The following SDK1 variants were observed in gnomAD, a reference collection of about 807,000 sequenced individuals.
SDK1 encodes the protein protein sidekick-1.
Under a neutral mutation model 245.5 loss-of-function variants are expected in SDK1, and 157 were observed. The ratio of observed to expected loss-of-function variants is 0.64; its 90% CI spans 0.56 to 0.73. The LOEUF (loss-of-function observed/expected upper bound fraction) is 0.73. Among genes scored for constraint, SDK1 ranks in the 30% least tolerant of loss-of-function variants. The pLI, the probability that SDK1 is intolerant of heterozygous loss-of-function variation, is 0.00. For synonymous variants in SDK1, 1,647 were observed against 1,278.5 expected (o/e 1.29, Z -6.15); for missense variants, 3,583 against 3,002.3 (o/e 1.19, Z -4.52).
chr7:3,476,581 T>C (rs996683580), intron 1 of SDK1, among the ~76,000 whole-genome samples: 6 of 152,218 alleles, frequency 3.9e-5, no homozygotes, highest in Admixed American at 6.5e-5. Flanking sequence ...AGAATACATA[T>C]GTGTTTTCTA....
At chr7:4,147,489 A>G (rs1780057198) in intron 29 of SDK1, among the ~76,000 whole-genome samples, 1 of 152,168 alleles carries the variant, frequency 6.6e-6, no homozygotes, top group South Asian at 2.1e-4. Context: ...GCTGGTCTCC[A>G]GCTCCTGGGC....
chr7:3,604,930 T>C (rs1781373950), intron 1 of SDK1, among the ~76,000 whole-genome samples: 1 of 152,146 alleles, frequency 6.6e-6, no homozygotes, highest in Admixed American at 6.5e-5. Flanking sequence ...ACTTGTTTAT[T>C]TTTAAAAATT....
chr7:3,633,932 C>T (rs1365946610), intron 2 of SDK1, among the ~76,000 whole-genome samples: 1 of 152,074 alleles, frequency 6.6e-6, no homozygotes, highest in Admixed American at 6.6e-5. Flanking sequence ...AGCCACTGCC[C>T]TAGTTGGCAC....
intron 1 of SDK1, among the ~76,000 whole-genome samples, chr7:3,550,775 T>G (rs1325595470): frequency 2.6e-5 from 4 of 152,242 alleles, no homozygotes; most frequent in African/African-American, 9.6e-5. Context: ...ATGAAAAGAT[T>G]TCTTTTAAGA....
chr7:3,319,398 G>C (rs886594724), intron 1 of SDK1, among the ~76,000 whole-genome samples: 2 of 152,134 alleles, frequency 1.3e-5, no homozygotes, highest in Admixed American at 6.5e-5. Context: ...TGGGGGCTTA[G>C]ACCGGTGGCC....
At chr7:4,107,833 C>T (rs542373912) in intron 22 of SDK1, among the ~76,000 whole-genome samples, 2 of 152,280 alleles carry the variant, frequency 1.3e-5, no homozygotes, top group East Asian at 1.9e-4. Context: ...TGCTGTGGTG[C>T]GTGTTCTCCA....
In SDK1 at chr7:4,113,422, C is replaced by G. The variant is rs1228693030; in HGVS notation, c.3568C>G (p.Leu1190Val). The G allele has an allele frequency of 1.2e-6, 2 of 1,613,778 alleles. No individual in the cohort carries two copies. Among genetic ancestry groups the G allele is most frequent in the African/African-American group, 1.3e-5 (1 of 74,946 alleles). ...GGTCCGTACTGCCAGTGAGACCAGC[C>G]TGCGGCTTCGCTGGGTGGTGAGTGG... is the stretch of plus-strand genomic sequence containing the variant. Reference protein sequence around the residue: ...VTVRTASETSLRLRWVPLPDS... With the variant: ...VTVRTASETSVRLRWVPLPDS... The change falls in exon 24 of 45, where the codon CTG becomes GTG. Residue 1190 changes from leucine to valine, a missense_variant. Coordinates refer to ENST00000404826, the MANE Select transcript of SDK1 (RefSeq NM_152744.4).
At position 4,265,900 on chromosome 7, in the gene SDK1, GT is replaced by G. The variant is rs1788438700; in HGVS notation, c.*517del. On this transcript the variant is annotated 3_prime_UTR_variant, in exon 45 of 45. Transcript: ENST00000404826. ...GAGCAAACGTTTTTCCCTGGGCTCAGTGCGTTTTGTCCCAACTTCATCTGTT... is the reference window on the plus strand; with the variant it reads ...GAGCAAACGTTTTTCCCTGGGCTCAGGCGTTTTGTCCCAACTTCATCTGTT... The G allele has an allele frequency of 1.0e-6, 1 of 986,444 alleles. No individual in the cohort carries two copies. The allele number at this position is 986,444 out of a possible 1,614,324, so 61.1% of individuals were successfully genotyped here. A position where few individuals can be genotyped will look rare whatever the true frequency, so the allele number is the denominator to read the frequency against.
chr7:4,020,544 A>G (rs1162816690), intron 17 of SDK1, among the ~76,000 whole-genome samples: 1 of 152,158 alleles, frequency 6.6e-6, no homozygotes, highest in Admixed American at 6.5e-5. Context: ...CTGGCTCTGG[A>G]GGGGAAGATG....
intron 5 of SDK1, among the ~76,000 whole-genome samples, chr7:3,920,691 G>C (rs1401825898): frequency 2.0e-5 from 3 of 152,154 alleles, no homozygotes; most frequent in African/African-American, 7.2e-5. Context: ...GGGAGTGACT[G>C]TTTTAGGATT....
intron 25 of SDK1, among the ~76,000 whole-genome samples, chr7:4,124,709 G>A (rs1784268514): frequency 6.6e-6 from 1 of 152,180 alleles, no homozygotes; most frequent in Non-Finnish European, 1.5e-5. Context: ...AATGTCATAG[G>A]TTGCATTATT....
chr7:3,963,646 A>T (rs1583653474), intron 9 of SDK1, among the ~76,000 whole-genome samples: 2 of 87,646 alleles, frequency 2.3e-5, no homozygotes, highest in Admixed American at 1.9e-4. Flanking sequence ...GTATCCAGTG[A>T]GTACATTCAG....
chr7:4,057,307 C>T (rs1046955584), intron 19 of SDK1, among the ~76,000 whole-genome samples: 4 of 152,144 alleles, frequency 2.6e-5, no homozygotes, highest in African/African-American at 9.7e-5. Context: ...CTGGGCTCAC[C>T]CTGCCCTGTC....
chr7:3,669,898 C>G (rs1783644347), intron 4 of SDK1, among the ~76,000 whole-genome samples: 2 of 152,210 alleles, frequency 1.3e-5, no homozygotes, highest in Non-Finnish European at 2.9e-5. Flanking sequence ...TGCCTTACTC[C>G]TGGCTCTCCT....
intron 1 of SDK1, among the ~76,000 whole-genome samples, chr7:3,502,291 C>T (rs1782241645): frequency 6.6e-6 from 1 of 151,966 alleles, no homozygotes; most frequent in Non-Finnish European, 1.5e-5. Flanking sequence ...CTCTTGGCCA[C>T]CAGGCTGGAG....
intron 4 of SDK1, among the ~76,000 whole-genome samples, chr7:3,768,700 C>T (rs1395707801): frequency 1.3e-5 from 2 of 152,184 alleles, no homozygotes; most frequent in South Asian, 2.1e-4. Flanking sequence ...TGGCACAGAG[C>T]TGTAGGTACA....
intron 12 of SDK1, among the ~76,000 whole-genome samples, chr7:3,973,156 G>T (rs982960484): frequency 6.6e-6 from 1 of 152,192 alleles, no homozygotes. Context: ...GGGTTGCTCT[G>T]CCCTGAGGAG....
chr7:4,028,425 G>A (rs1385054280), intron 17 of SDK1, among the ~76,000 whole-genome samples: 1 of 152,218 alleles, frequency 6.6e-6, no homozygotes, highest in South Asian at 2.1e-4. Context: ...ATCACCACGT[G>A]TGCAGGCAAA....
At chr7:3,348,428 G>A (rs944285584) in intron 1 of SDK1, among the ~76,000 whole-genome samples, 3 of 152,168 alleles carry the variant, frequency 2.0e-5, no homozygotes, top group Admixed American at 2.0e-4. Context: ...TGCAGCTGGA[G>A]GTTGTTAGTG....
Sources: gnomAD v4.1 joint callset for allele counts (sites outside exome capture counted in the v4.1 genomes callset) on GRCh38, gnomAD v4.1.1 for gene constraint, MANE v1.5 for transcripts, NCBI Gene and HGNC (gene_info 2026-07-23, HGNC 2026-07-21) for gene names.